Variants in CDH12 observed in about 807,000 individuals in gnomAD.
The protein encoded by CDH12 is cadherin 12.
CDH12 carries 41 observed loss-of-function variants against 74.1 expected under a neutral mutation model. The observed-to-expected ratio is 0.55, with a 90% CI of 0.43 to 0.72. The LOEUF is 0.72. Among genes scored for constraint, CDH12 ranks in the 30% least tolerant of loss-of-function variants. The pLI, the probability that CDH12 is intolerant of heterozygous loss-of-function variation, is 0.00. For missense variants in CDH12, 945 were observed against 977.2 expected, an observed-to-expected ratio of 0.97 and a Z score of 0.44; for synonymous variants, 399 against 355.0, an observed-to-expected ratio of 1.12 and a Z score of -1.39.
chr5:22,287,485 G>A (rs185949317), intron 3 of CDH12, among the ~76,000 whole-genome samples: 18 of 152,134 alleles, frequency 1.2e-4, no homozygotes, highest in African/African-American at 4.1e-4. Context: ...AGCACTTTGG[G>A]AGGCCGAGGC....
intron 1 of CDH12, among the ~76,000 whole-genome samples, chr5:22,527,834 T>C (rs914792805): frequency 5.3e-5 from 8 of 152,154 alleles, no homozygotes; most frequent in Non-Finnish European, 8.8e-5. Flanking sequence ...TGTCGGTCCA[T>C]GTTTTAGCCA....
At chr5:22,083,908 C>T (rs1169130319) in intron 4 of CDH12, among the ~76,000 whole-genome samples, 3 of 152,122 alleles carry the variant, frequency 2.0e-5, no homozygotes, top group Non-Finnish European at 4.4e-5. Flanking sequence ...TATTTCAATA[C>T]TGGGCAGCTT....
At chr5:21,777,501 T>G (rs1202674900) in intron 11 of CDH12, among the ~76,000 whole-genome samples, 1 of 150,450 alleles carries the variant, frequency 6.6e-6, no homozygotes, top group East Asian at 2.0e-4. Flanking sequence ...CAATGGAAAT[T>G]ACTTTGATAA....
chr5:22,159,945 CTG>C (rs1748233635), intron 4 of CDH12, among the ~76,000 whole-genome samples: 1 of 151,984 alleles, frequency 6.6e-6, no homozygotes, highest in Non-Finnish European at 1.5e-5. Flanking sequence ...ATGTGTGTGC[CTG>C]TGTGTGTATG....
At chr5:22,206,236 C>G (rs1286381004) in intron 4 of CDH12, among the ~76,000 whole-genome samples, 2 of 152,112 alleles carry the variant, frequency 1.3e-5, no homozygotes, top group African/African-American at 4.8e-5. Flanking sequence ...GCATCAACCT[C>G]TCTGGCAGGT....
intron 2 of CDH12, among the ~76,000 whole-genome samples, chr5:22,477,327 A>G (rs1746207733): frequency 6.6e-6 from 1 of 152,132 alleles, no homozygotes; most frequent in African/African-American, 2.4e-5. Flanking sequence ...TGTAAGTGAG[A>G]ACATGTGGTT....
Position 21,975,383 on chromosome 5 carries a change from G to A in CDH12, c.234C>T (p.Leu78=). ...CCTCTCCCTTGTCTAAGTCGGAATG[G>A]AGCTTTAGGGAAGAGAAGGAGAGAG... is the stretch of plus-strand genomic sequence containing the variant. The part of the protein sequence containing the change: ...VGSEPQYVGK[L]HSDLDKGEGT... Residue 78 remains leucine, a splice_region_variant and synonymous_variant, in exon 6 of 15, where the codon CTC becomes CTT. Transcript: ENST00000382254. The A allele has an allele frequency of 1.9e-6, 3 of 1,582,702 alleles. No individual in the cohort carries two copies. Among genetic ancestry groups the A allele is most frequent in the Non-Finnish European group, 2.6e-6 (3 of 1,173,722 alleles).
At chr5:21,991,756 A>G (rs1471091173) in intron 5 of CDH12, among the ~76,000 whole-genome samples, 1 of 151,344 alleles carries the variant, frequency 6.6e-6, no homozygotes, top group Non-Finnish European at 1.5e-5. Flanking sequence ...TCCTCATTCT[A>G]TAGTAACTAC....
chr5:22,220,592 T>C (rs930933435), intron 3 of CDH12, among the ~76,000 whole-genome samples: 3 of 99,876 alleles, frequency 3.0e-5, no homozygotes, highest in Non-Finnish European at 5.1e-5. Flanking sequence ...AAGTGTAAGC[T>C]TGAGAAAGGG....
At chr5:22,594,034 A>G (rs1736475625) in intron 1 of CDH12, among the ~76,000 whole-genome samples, 1 of 152,228 alleles carries the variant, frequency 6.6e-6, no homozygotes, top group African/African-American at 2.4e-5. Context: ...AGCCCATTCA[A>G]CAATGAGAAG....
chr5:22,851,663 T>G (rs1051729239), intron 1 of CDH12, among the ~76,000 whole-genome samples: 3 of 152,194 alleles, frequency 2.0e-5, no homozygotes, highest in African/African-American at 7.2e-5. Context: ...TGCATGTGGC[T>G]ATCCACTCAA....
intron 6 of CDH12, among the ~76,000 whole-genome samples, chr5:21,924,838 C>A (rs1439474288): frequency 6.6e-6 from 1 of 152,162 alleles, no homozygotes; most frequent in Non-Finnish European, 1.5e-5. Context: ...GTAGAATTTA[C>A]TGAGGCTATC....
rs746900982 is a variant in CDH12 at position 22,046,175 on chromosome 5, CAAAT to C, written c.231+32267_231+32270del. On this transcript the variant is annotated intron_variant, in intron 5 of 14. Transcript: ENST00000382254. ...TGTTCTGATTGAATTGATAATATAACAAATAAAGTGGACAATTTAAAAATAATTT... is the reference window on the plus strand; with the variant it reads ...TGTTCTGATTGAATTGATAATATAACAAAGTGGACAATTTAAAAATAATTT... 3.2e-4 allele frequency among the ~76,000 whole-genome samples: 48 copies of C among 151,564 alleles called. No homozygotes were observed. The South Asian group carries it at 3.6e-3, about 11-fold the overall frequency.
At chr5:21,942,334 G>GTATATATATATATA (rs761850084) in intron 6 of CDH12, among the ~76,000 whole-genome samples, 192 of 106,726 alleles carry the variant, frequency 1.8e-3, no homozygotes, top group African/African-American at 8.0e-3. Context: ...GACAAATACA[G>GTATATATATATATA]TATATATATA....
At chr5:22,776,423 G>A (rs1006102486) in intron 1 of CDH12, among the ~76,000 whole-genome samples, 8 of 152,122 alleles carry the variant, frequency 5.3e-5, no homozygotes, top group East Asian at 1.9e-4. Flanking sequence ...GACTTTGTGC[G>A]TGTGTGTATG....
chr5:21,818,372 G>A (rs886220790), intron 8 of CDH12, among the ~76,000 whole-genome samples: 12 of 151,914 alleles, frequency 7.9e-5, no homozygotes, highest in Non-Finnish European at 1.5e-4. Context: ...CTCCAAGAAG[G>A]TGTGAGAAAA....
At chr5:21,858,033 T>A (rs545207413) in intron 6 of CDH12, among the ~76,000 whole-genome samples, 14 of 150,470 alleles carry the variant, frequency 9.3e-5, no homozygotes, top group East Asian at 2.0e-4. Flanking sequence ...CTTTTTTTTT[T>A]AATAAGGTCA....
intron 1 of CDH12, among the ~76,000 whole-genome samples, chr5:22,653,790 C>A (rs1189021588): frequency 6.6e-6 from 1 of 152,202 alleles, no homozygotes; most frequent in African/African-American, 2.4e-5. Flanking sequence ...CCACACGTAG[C>A]TATGTGATCA....
intron 6 of CDH12, among the ~76,000 whole-genome samples, chr5:21,879,194 AAAAACTT>A (rs1290244132): frequency 6.6e-6 from 1 of 152,226 alleles, no homozygotes; most frequent in African/African-American, 2.4e-5. Flanking sequence ...ACACTATAAA[AAAAACTT>A]TAAAAGTTGG....
Sources: gnomAD v4.1 joint callset for allele counts (sites outside exome capture counted in the v4.1 genomes callset) on GRCh38, gnomAD v4.1.1 for gene constraint, MANE v1.5 for transcripts, NCBI Gene and HGNC (gene_info 2026-07-23, HGNC 2026-07-21) for gene names.